Variants in PIP4P2 observed in about 807,000 individuals in gnomAD.
The protein encoded by PIP4P2 is type 2 phosphatidylinositol 4,5-bisphosphate 4-phosphatase.
PIP4P2 carries 19 observed loss-of-function variants against 33.3 expected under a neutral mutation model. The ratio of observed to expected loss-of-function variants is 0.57; its 90% CI spans 0.40 to 0.84. The LOEUF (loss-of-function observed/expected upper bound fraction) is 0.84, where lower values mean the gene tolerates loss of function less well. Among genes scored for constraint, PIP4P2 ranks in the 40% least tolerant of loss-of-function variants. PIP4P2 has a pLI of 0.00. For synonymous variants in PIP4P2, 110 were observed against 111.9 expected, an observed-to-expected ratio of 0.98 and a Z score of 0.11; for missense variants, 270 against 324.7, an observed-to-expected ratio of 0.83 and a Z score of 1.29.
chr8:91,020,462 A>T lies in PIP4P2; in HGVS notation c.256-199T>A, dbSNP rs116234594. 1.8e-3 allele frequency among the ~76,000 whole-genome samples: 271 copies of T among 152,342 alleles called. 2 individuals carry two copies. The highest frequency in any genetic ancestry group is 0.01 in the Middle Eastern group (3 of 294). On this transcript the variant is annotated intron_variant, in intron 2 of 6. Transcript: ENST00000285419. ...GTTTTGTGGTCCTTCAAGACACAAT[A>T]ATCACTGGCTGACTTTTTTTAGTCT...
At chr8:91,006,184 A>G (rs1811760531) in intron 5 of PIP4P2, among the ~76,000 whole-genome samples, 1 of 152,210 alleles carries the variant, frequency 6.6e-6, no homozygotes, top group Admixed American at 6.5e-5. Context: ...CTGAAGGAAA[A>G]CATTCAAAAA....
At chr8:91,001,210 G>A (rs527987933) in intron 5 of PIP4P2, among the ~76,000 whole-genome samples, 1 of 152,054 alleles carries the variant, frequency 6.6e-6, no homozygotes, top group Non-Finnish European at 1.5e-5. Context: ...TTATAAACAG[G>A]ATATTAACAT....
intron 1 of PIP4P2, among the ~76,000 whole-genome samples, chr8:91,029,582 A>G (rs1187840076): frequency 6.6e-6 from 1 of 152,128 alleles, no homozygotes; most frequent in Non-Finnish European, 1.5e-5. Context: ...TACAATCAAT[A>G]TTTGTTAAGT....
Position 91,040,765 on chromosome 8 carries a change from G to C in PIP4P2, c.-16C>G, listed in dbSNP as rs755537984. ...CAGCAGCCATGACTGCGGCAGCGGC[G>C]GGGCCTGGGGAGGCCGAGCCGGGGT... On this transcript the variant is annotated 5_prime_UTR_variant, in exon 1 of 7. Transcript: ENST00000285419. 73 of 1,610,066 alleles carry C rather than the reference G, an allele frequency of 4.5e-5. No individual in the cohort carries two copies. The highest frequency in any genetic ancestry group is 5.9e-5 in the Non-Finnish European group (70 of 1,179,222).
intron 4 of PIP4P2, among the ~76,000 whole-genome samples, chr8:91,009,950 C>G (rs1163350133): frequency 6.6e-6 from 1 of 151,840 alleles, no homozygotes; most frequent in Non-Finnish European, 1.5e-5. Context: ...AATGTTCACT[C>G]TCTTTACAAA....
At chr8:91,005,303 G>A (rs1292432729) in intron 5 of PIP4P2, among the ~76,000 whole-genome samples, 5 of 151,864 alleles carry the variant, frequency 3.3e-5, no homozygotes, top group Non-Finnish European at 5.9e-5. Flanking sequence ...TTCCTTACTA[G>A]TACATCTATA....
intron 4 of PIP4P2, among the ~76,000 whole-genome samples, chr8:91,009,570 C>T (rs769075356): frequency 1.2e-4 from 18 of 151,746 alleles, no homozygotes; most frequent in Middle Eastern, 3.2e-3. Flanking sequence ...GGGAAAATTT[C>T]TTTAAGTACT....
intron 4 of PIP4P2, 31 bp downstream of exon 4, chr8:91,018,358 TA>T: frequency 6.2e-7 from 1 of 1,613,692 alleles, no homozygotes; most frequent in Non-Finnish European, 8.5e-7. Flanking sequence ...GACCTATATT[TA>T]CAGATTAATG....
At chr8:91,006,482 A>G (rs1256300250) in intron 5 of PIP4P2, among the ~76,000 whole-genome samples, 1 of 152,220 alleles carries the variant, frequency 6.6e-6, no homozygotes, top group African/African-American at 2.4e-5. Context: ...TAGTAAAAAT[A>G]TTGCCATTGT....
intron 5 of PIP4P2, among the ~76,000 whole-genome samples, chr8:91,006,443 T>C (rs79352560): frequency 0.073 from 11,108 of 152,262 alleles, 427 homozygotes; most frequent in Middle Eastern, 0.12. Context: ...AATCACGGAG[T>C]ATTCAGACAT....
intron 5 of PIP4P2, among the ~76,000 whole-genome samples, chr8:91,003,948 G>GAGATAGAT (rs74275339): frequency 0.041 from 5,661 of 138,100 alleles, 147 homozygotes; most frequent in East Asian, 0.05. Context: ...GAACCAACAG[G>GAGATAGAT]AGATAGATAG....
chr8:91,004,769 T>A (rs755529624), intron 5 of PIP4P2, among the ~76,000 whole-genome samples: 4 of 151,926 alleles, frequency 2.6e-5, no homozygotes, highest in African/African-American at 9.7e-5. Flanking sequence ...GAGTATGAAA[T>A]ACAAAAATGA....
rs912827923 is a variant in PIP4P2, at chr8:91,040,818, GCTGCTGCCT to G, written c.-78_-70del. The G allele has an allele frequency of 2.0e-5, 29 of 1,426,312 alleles. No individual in the cohort carries two copies. The highest frequency in any genetic ancestry group is 2.4e-4 in the Middle Eastern group (1 of 4,126). The allele number at this position is 1,426,312 out of a possible 1,614,324, so 88.4% of individuals were successfully genotyped here. On this transcript the variant is annotated 5_prime_UTR_variant, in exon 1 of 7. Coordinates refer to ENST00000285419, the MANE Select transcript of PIP4P2 (RefSeq NM_018710.3). ...CGGCCTCGGCGGAGTGGTGGCTACT[GCTGCTGCCT>G]CTGCTGCCGCTGCTGCCGCTGCAGC...
chr8:90,996,374 A>AT (rs930041380), intron 6 of PIP4P2, among the ~76,000 whole-genome samples: 5 of 151,536 alleles, frequency 3.3e-5, no homozygotes, highest in South Asian at 2.1e-4. Flanking sequence ...TCTGGCACTG[A>AT]TTTTTTTTTA....
chr8:90,997,568 C>T (rs1409423875), intron 5 of PIP4P2, among the ~76,000 whole-genome samples: 2 of 152,064 alleles, frequency 1.3e-5, no homozygotes, highest in Non-Finnish European at 2.9e-5. Flanking sequence ...TTCACCCTCT[C>T]TGTATCTAAT....
rs1811598258 is a variant in PIP4P2, at chr8:90,994,206, T to C, written c.*1471A>G. The stretch of plus-strand genomic sequence containing the variant: ...CAGGTACATTCCTAAACATGAAAAC[T>C]TTACAGCAAGATTTCAAGGCAACTC... On this transcript the variant is annotated 3_prime_UTR_variant, in exon 7 of 7. Coordinates refer to ENST00000285419, the MANE Select transcript of PIP4P2 (RefSeq NM_018710.3). The C allele has an allele frequency of 6.6e-6, 1 of 152,036 alleles. No homozygotes were observed. 9.4% of individuals were successfully genotyped at this position (152,036 alleles called of 1,614,324 possible).
rs1458408827 is a variant in PIP4P2, at chr8:90,993,953, A to G, written c.*1724T>C. On this transcript the variant is annotated 3_prime_UTR_variant, in exon 7 of 7. Transcript: ENST00000285419. ...GCTCTCATAAAGTTATTATTCCAGA[A>G]GGAATATGACATAGCATATAATTTA... 6.6e-6 allele frequency: 1 copy of G among 152,226 alleles called. No individual in the cohort carries two copies. Among genetic ancestry groups the G allele is most frequent in the Non-Finnish European group, 1.5e-5 (1 of 68,018 alleles). 9.4% of individuals were successfully genotyped at this position (152,226 alleles called of 1,614,324 possible).
At chr8:91,034,859 G>C (rs1377067068) in intron 1 of PIP4P2, among the ~76,000 whole-genome samples, 1 of 152,150 alleles carries the variant, frequency 6.6e-6, no homozygotes, top group Non-Finnish European at 1.5e-5. Context: ...TTAAAAGACT[G>C]CCAAAATGTA....
Position 91,040,738 on chromosome 8 carries a change from A to G in PIP4P2, c.12T>C (p.Asp4=). 1 of 1,612,054 alleles carries G rather than the reference A, an allele frequency of 6.2e-7. No individual in the cohort carries two copies. ...GCAGAGGCGAGCGTTCGTCCACCCC[A>G]TCAGCAGCCATGACTGCGGCAGCGG... is the stretch of plus-strand genomic sequence containing the variant. MAA[D]GVDERSPLLS... is the part of the protein sequence containing the mutation. The change falls in exon 1 of 7, where the codon GAT becomes GAC. Residue 4 remains aspartate, a synonymous_variant. Coordinates refer to ENST00000285419, the MANE Select transcript of PIP4P2 (RefSeq NM_018710.3).
Sources: gnomAD v4.1 joint callset for allele counts (sites outside exome capture counted in the v4.1 genomes callset) on GRCh38, gnomAD v4.1.1 for gene constraint, MANE v1.5 for transcripts, NCBI Gene and HGNC (gene_info 2026-07-23, HGNC 2026-07-21) for gene names.